Variants in ITGA9 observed in about 807,000 individuals in gnomAD.
The protein encoded by ITGA9 is integrin alpha-9.
A neutral mutation model predicts 127.8 loss-of-function variants in ITGA9; 56 were observed. The observed-to-expected ratio is 0.44, with a 90% CI of 0.35 to 0.55. The LOEUF (loss-of-function observed/expected upper bound fraction) is 0.55, where lower values mean the gene tolerates loss of function less well. ITGA9 is among the 20% of genes least tolerant of loss of function. ITGA9 has a pLI of 0.00. For missense variants in ITGA9, 1,196 were observed against 1,347.1 expected, an observed-to-expected ratio of 0.89 and a Z score of 1.76; for synonymous variants, 508 against 514.5, an observed-to-expected ratio of 0.99 and a Z score of 0.17.
intron 13 of ITGA9, among the ~76,000 whole-genome samples, chr3:37,528,349 T>C (rs1177631644): frequency 6.6e-6 from 1 of 151,856 alleles, no homozygotes; most frequent in African/African-American, 2.4e-5. Flanking sequence ...GAGTTGGAGC[T>C]CAACAGGGAC....
intron 15 of ITGA9, among the ~76,000 whole-genome samples, chr3:37,556,662 G>A (rs1329327772): frequency 6.6e-6 from 1 of 152,228 alleles, no homozygotes. Flanking sequence ...CCCTGGTGAC[G>A]CTGGTGCTGC....
chr3:37,536,136 C>T (rs147011605), intron 14 of ITGA9, among the ~76,000 whole-genome samples: 311 of 152,304 alleles, frequency 2.0e-3, no homozygotes, highest in Non-Finnish European at 3.6e-3. Flanking sequence ...ACACAGATAC[C>T]CTCCACTTCC....
chr3:37,596,163 C>T (rs1699867485), intron 15 of ITGA9, among the ~76,000 whole-genome samples: 1 of 152,182 alleles, frequency 6.6e-6, no homozygotes. Flanking sequence ...TAACCAGATA[C>T]TCACATGTGA....
Position 37,490,975 on chromosome 3 carries a change from CT to C in ITGA9, c.545-3507del, listed in dbSNP as rs1553642022. ...GGTCTCAGATTTGGCTTCCCCCCCG[CT>C]TTTTTTTTTTTTTTTTTTGAGACCG... On this transcript the variant is annotated intron_variant, in intron 4 of 27. Transcript: ENST00000264741. 1.7e-3 allele frequency among the ~76,000 whole-genome samples: 179 copies of C among 105,102 alleles called. 1 individual carries two copies. The highest frequency in any genetic ancestry group is 4.7e-3 in the African/African-American group (129 of 27,638). 69.0% of individuals were successfully genotyped at this position (105,102 alleles called of 152,430 possible).
At chr3:37,667,673 GAC>G (rs1263238077) in intron 17 of ITGA9, among the ~76,000 whole-genome samples, 1 of 152,218 alleles carries the variant, frequency 6.6e-6, no homozygotes, top group Non-Finnish European at 1.5e-5. Flanking sequence ...GTGGGGTAGA[GAC>G]AAGCCCAGCA....
intron 15 of ITGA9, among the ~76,000 whole-genome samples, chr3:37,599,838 CTGAT>C (rs1699900794): frequency 6.6e-6 from 1 of 152,146 alleles, no homozygotes; most frequent in Non-Finnish European, 1.5e-5. Flanking sequence ...TTCTCATAAA[CTGAT>C]TGTGCATTCT....
intron 15 of ITGA9, among the ~76,000 whole-genome samples, chr3:37,578,078 T>C (rs557982853): frequency 6.6e-6 from 1 of 152,344 alleles, no homozygotes; most frequent in South Asian, 2.1e-4. Context: ...TAAAGTTTGA[T>C]ATTTTTAGTT....
At chr3:37,681,059 C>T (rs1249716288) in intron 17 of ITGA9, among the ~76,000 whole-genome samples, 1 of 152,142 alleles carries the variant, frequency 6.6e-6, no homozygotes, top group Non-Finnish European at 1.5e-5. Flanking sequence ...CCTCTCTTCA[C>T]GGATGGGTAA....
intron 26 of ITGA9, among the ~76,000 whole-genome samples, chr3:37,795,657 C>T (rs1421106713): frequency 6.6e-6 from 1 of 152,142 alleles, no homozygotes; most frequent in East Asian, 1.9e-4. Context: ...GGGTCCGCAC[C>T]AGGCCATCAG....
At chr3:37,709,159 A>T (rs1318589785) in intron 18 of ITGA9, among the ~76,000 whole-genome samples, 1 of 152,222 alleles carries the variant, frequency 6.6e-6, no homozygotes, top group Non-Finnish European at 1.5e-5. Flanking sequence ...AGATTAAATT[A>T]GACATTCATG....
At chr3:37,464,556 A>G (rs1407063690) in intron 1 of ITGA9, among the ~76,000 whole-genome samples, 1 of 152,232 alleles carries the variant, frequency 6.6e-6, no homozygotes, top group Non-Finnish European at 1.5e-5. Context: ...AGAAGAGGAA[A>G]ACTGAGGCTT....
chr3:37,642,460 A>G (rs1700342812), intron 16 of ITGA9, among the ~76,000 whole-genome samples: 1 of 152,250 alleles, frequency 6.6e-6, no homozygotes, highest in Admixed American at 6.5e-5. Context: ...GGAAGAACAC[A>G]AGGCTAGTTC....
chr3:37,806,078 C>A lies in ITGA9; in HGVS notation c.3009+2136C>A, dbSNP rs535359673. The A allele has an allele frequency of 6.6e-6, 1 of 152,334 alleles. No individual in the cohort carries two copies. The highest frequency in any genetic ancestry group is 2.1e-4 in the South Asian group (1 of 4,826). The allele number at this position is 152,334 out of a possible 1,614,324, so 9.4% of individuals were successfully genotyped here. On this transcript the variant is annotated intron_variant, in intron 27 of 27. Transcript: ENST00000264741. The surrounding 1 kb of genome is among the most constrained non-coding windows in gnomAD (Gnocchi z 4.3). ...GTCTGTTTGCCAATAGTGGATGTTA[C>A]CTTTTAAAAACAATCTGCCAATTTG...
intron 15 of ITGA9, among the ~76,000 whole-genome samples, chr3:37,556,598 C>CT (rs1389185028): frequency 6.6e-6 from 1 of 152,204 alleles, no homozygotes; most frequent in Non-Finnish European, 1.5e-5. Context: ...AACCTGGGAC[C>CT]TTGTTCAATG....
intron 1 of ITGA9, among the ~76,000 whole-genome samples, chr3:37,455,454 A>C (rs1269600758): frequency 6.6e-6 from 1 of 152,166 alleles, no homozygotes; most frequent in Non-Finnish European, 1.5e-5. Context: ...TTATTCAGAC[A>C]CTGGAGGCTT....
At chr3:37,463,833 A>G (rs1426301111) in intron 1 of ITGA9, among the ~76,000 whole-genome samples, 1 of 152,150 alleles carries the variant, frequency 6.6e-6, no homozygotes, top group African/African-American at 2.4e-5. Flanking sequence ...CGCACCAGAA[A>G]AGGGAACAAG....
chr3:37,793,061 T>A (rs1575240381), intron 26 of ITGA9, among the ~76,000 whole-genome samples: 2 of 152,198 alleles, frequency 1.3e-5, no homozygotes, highest in South Asian at 2.1e-4. Context: ...AATCCTCAAG[T>A]CCTGGTCAGT....
At chr3:37,466,341 G>A (rs1037784668) in intron 1 of ITGA9, among the ~76,000 whole-genome samples, 6 of 151,932 alleles carry the variant, frequency 3.9e-5, no homozygotes, top group East Asian at 1.9e-4. Context: ...AAATTAGCGG[G>A]GCGTGGTGGC....
intron 23 of ITGA9, among the ~76,000 whole-genome samples, chr3:37,755,111 G>A (rs977086947): frequency 1.3e-5 from 2 of 152,152 alleles, no homozygotes; most frequent in African/African-American, 2.4e-5. Flanking sequence ...GGCTTTAGTA[G>A]CCTTTTTCAT....
Sources: gnomAD v4.1 joint callset for allele counts (sites outside exome capture counted in the v4.1 genomes callset) on GRCh38, gnomAD v4.1.1 for gene constraint, Gnocchi (gnomAD v3.1) non-coding constraint, MANE v1.5 for transcripts, NCBI Gene and HGNC (gene_info 2026-07-23, HGNC 2026-07-21) for gene names.